Variants in STAC observed in about 807,000 individuals in gnomAD.
STAC encodes the protein SH3 and cysteine-rich domain-containing protein.
STAC carries 43 observed loss-of-function variants against 48.8 expected under a neutral mutation model. The ratio of observed to expected loss-of-function variants is 0.88; its 90% CI spans 0.69 to 1.14. The LOEUF (loss-of-function observed/expected upper bound fraction) is 1.14, where lower values mean the gene tolerates loss of function less well. STAC is among the 50% of genes most tolerant of loss of function. The pLI is 0.00. For missense variants in STAC, 497 were observed against 504.0 expected (o/e 0.99, Z 0.13); for synonymous variants, 193 against 179.5 (o/e 1.07, Z -0.60).
chr3:36,474,785 TATA>T (rs1697444855), intron 2 of STAC, among the ~76,000 whole-genome samples: 1 of 152,220 alleles, frequency 6.6e-6, no homozygotes, highest in African/African-American at 2.4e-5. Context: ...ACTTCCCTGT[TATA>T]ATAATATTTT....
rs1303536480 is a variant in STAC, at chr3:36,514,030, T to G, written c.920+8196T>G. The stretch of plus-strand genomic sequence containing the variant: ...CCATCTGAGCTTCTGCTTCCTGACT[T>G]GTAAAAGGAGATAATCACTTTGCCT... On this transcript the variant is annotated intron_variant, in intron 8 of 10. Transcript: ENST00000273183. Among the ~76,000 whole-genome samples, 3 of 152,008 alleles carry G rather than the reference T, an allele frequency of 2.0e-5. No homozygotes were observed. In the East Asian group the frequency reaches 5.8e-4, roughly 29 times the overall value.
At chr3:36,460,391 A>G (rs1402063738) in intron 2 of STAC, among the ~76,000 whole-genome samples, 2 of 152,220 alleles carry the variant, frequency 1.3e-5, no homozygotes, top group East Asian at 3.8e-4. Flanking sequence ...TTAATAGGTC[A>G]CTGGCAATAT....
chr3:36,468,409 G>C (rs1022042339), intron 2 of STAC, among the ~76,000 whole-genome samples: 2 of 151,840 alleles, frequency 1.3e-5, no homozygotes, highest in African/African-American at 4.8e-5. Context: ...TATCTGTTAA[G>C]GCCATTTGTT....
At chr3:36,467,090 T>C (rs1277914054) in intron 2 of STAC, among the ~76,000 whole-genome samples, 1 of 152,196 alleles carries the variant, frequency 6.6e-6, no homozygotes, top group Non-Finnish European at 1.5e-5. Flanking sequence ...TTTCTGTGTC[T>C]ATTGAGATGA....
rs546439355 is a variant in STAC, at chr3:36,443,270, G to T, written c.112-94G>T. On this transcript the variant is annotated intron_variant, in intron 1 of 10. Transcript: ENST00000273183. This position sits in a 1 kb window ranked among gnomAD's most constrained non-coding sequence, Gnocchi z 4.2. ...CCTCAAGACGGAGGGTGTCAGTGGG[G>T]ACTGTGTAGTGCACACAGCAGACCT... The T allele has an allele frequency of 4.0e-5, 56 of 1,416,178 alleles. 1 individual carries two copies. The South Asian group carries it at 6.9e-4, about 17-fold the overall frequency. The allele number at this position is 1,416,178 out of a possible 1,614,324, so 87.7% of individuals were successfully genotyped here. A position where few individuals can be genotyped will look rare whatever the true frequency, so the allele number is the denominator to read the frequency against.
At chr3:36,477,143 A>G (rs1697514332) in intron 2 of STAC, among the ~76,000 whole-genome samples, 1 of 152,162 alleles carries the variant, frequency 6.6e-6, no homozygotes, top group Non-Finnish European at 1.5e-5. Context: ...TCTCTAATTT[A>G]TACTAATTTC....
At chr3:36,424,628 T>C (rs1700521372) in intron 1 of STAC, among the ~76,000 whole-genome samples, 1 of 152,038 alleles carries the variant, frequency 6.6e-6, no homozygotes, top group Admixed American at 6.6e-5. Context: ...AAATAGATGG[T>C]TGCAAGAACA....
intron 6 of STAC, among the ~76,000 whole-genome samples, chr3:36,497,557 C>A (rs73827548): frequency 0.023 from 3,470 of 152,088 alleles, 117 homozygotes; most frequent in African/African-American, 0.078. Flanking sequence ...TGGGGAGTGG[C>A]CAGGGTATTA....
At chr3:36,381,869 T>C (rs945648444) in intron 1 of STAC, among the ~76,000 whole-genome samples, 5 of 152,120 alleles carry the variant, frequency 3.3e-5, no homozygotes, top group Non-Finnish European at 5.9e-5. Context: ...TTACATCTTA[T>C]TTATTTTTAT....
rs1696422987 is a variant in STAC, at chr3:36,443,613, T to C, written c.361T>C (p.Cys121Arg). ...QEYIFKKPTFCDVCNHMIVGT... is the reference protein window; with the variant it reads ...QEYIFKKPTFRDVCNHMIVGT... Reference sequence around the variant, plus strand: ...ATACATCTTCAAGAAGCCCACTTTCTGTGATGTCTGCAACCACATGATAGT... The same window carrying C: ...ATACATCTTCAAGAAGCCCACTTTCCGTGATGTCTGCAACCACATGATAGT... Residue 121 changes from cysteine (C) to arginine (R), a missense_variant, in exon 2 of 11, where the codon TGT becomes CGT. Cys to Arg is a radical substitution (Grantham distance 180, BLOSUM62 -3). Transcript: ENST00000273183. This position sits in a 1 kb window ranked among gnomAD's most constrained non-coding sequence, Gnocchi z 4.2. The C allele has an allele frequency of 4.3e-6, 7 of 1,613,266 alleles. No individual in the cohort carries two copies. The highest frequency in any genetic ancestry group is 5.9e-6 in the Non-Finnish European group (7 of 1,180,036).
chr3:36,449,777 T>G (rs1455235267), intron 2 of STAC, among the ~76,000 whole-genome samples: 1 of 152,156 alleles, frequency 6.6e-6, no homozygotes, highest in Non-Finnish European at 1.5e-5. Flanking sequence ...GTGACACTCT[T>G]TAGGGGATAC....
intron 10 of STAC, among the ~76,000 whole-genome samples, chr3:36,542,043 G>A (rs1265768853): frequency 1.3e-5 from 2 of 151,698 alleles, no homozygotes; most frequent in Non-Finnish European, 2.9e-5. Flanking sequence ...AAACAGGACA[G>A]ATAAAGATGG....
intron 6 of STAC, among the ~76,000 whole-genome samples, chr3:36,502,105 A>G (rs1055741582): frequency 1.3e-5 from 2 of 152,182 alleles, no homozygotes; most frequent in Admixed American, 1.3e-4. Context: ...TCTGCAAGGT[A>G]AAAAACAAAA....
At chr3:36,462,627 T>C (rs970528858) in intron 2 of STAC, among the ~76,000 whole-genome samples, 4 of 152,100 alleles carry the variant, frequency 2.6e-5, no homozygotes, top group Non-Finnish European at 4.4e-5. Context: ...CAAGAAAATG[T>C]GTTGTCTTCA....
rs149126582 is a variant in STAC, at chr3:36,499,762, GT to G, written c.767-4622del. ...ATGTAGAAAATTTAAAAAAACAAAA[GT>G]TTTTTTTTAACTTTCTGCAGGGGGA... On this transcript the variant is annotated intron_variant, in intron 6 of 10. Transcript: ENST00000273183. Among the ~76,000 whole-genome samples the G allele has an allele frequency of 8.6e-5, 13 of 150,734 alleles. No homozygotes were observed. The South Asian group carries it at 1.1e-3, about 12-fold the overall frequency.
intron 1 of STAC, among the ~76,000 whole-genome samples, chr3:36,399,732 G>C (rs1027426490): frequency 6.6e-6 from 1 of 152,086 alleles, no homozygotes; most frequent in African/African-American, 2.4e-5. Context: ...TAACTTACTC[G>C]AGAATCTTGG....
At chr3:36,415,155 C>G (rs1187621805) in intron 1 of STAC, among the ~76,000 whole-genome samples, 1 of 152,218 alleles carries the variant, frequency 6.6e-6, no homozygotes. Flanking sequence ...GTTCTCGGAT[C>G]TCAAGCTGCG....
At chr3:36,545,514 T>C (rs1367673448) in intron 10 of STAC, among the ~76,000 whole-genome samples, 2 of 152,164 alleles carry the variant, frequency 1.3e-5, no homozygotes, top group Non-Finnish European at 2.9e-5. Flanking sequence ...CAAGAGAAAC[T>C]CACAACACAA....
rs553386125 is a variant in STAC, at chr3:36,450,779, C to T, written c.388+7139C>T. ...AATTCGGGTGATCCACCTACCTCGG[C>T]CTCCCAAAGTCCCGGGATTACAGGT... On this transcript the variant is annotated intron_variant, in intron 2 of 10. Transcript: ENST00000273183. Among the ~76,000 whole-genome samples the T allele has an allele frequency of 3.0e-4, 46 of 152,328 alleles. 1 individual carries two copies. Among genetic ancestry groups the T allele is most frequent in the African/African-American group, 1.1e-3 (45 of 41,568 alleles).
Sources: gnomAD v4.1 joint callset for allele counts (sites outside exome capture counted in the v4.1 genomes callset) on GRCh38, gnomAD v4.1.1 for gene constraint, Gnocchi (gnomAD v3.1) non-coding constraint, MANE v1.5 for transcripts, NCBI Gene and HGNC (gene_info 2026-07-23, HGNC 2026-07-21) for gene names.